ADCY10: variants seen among roughly 807,000 people sequenced by gnomAD.
ADCY10 encodes adenylate cyclase 10.
ADCY10 carries 156 observed loss-of-function variants against 183.3 expected under a neutral mutation model. The ratio of observed to expected loss-of-function variants is 0.85; its 90% CI spans 0.75 to 0.97. The LOEUF (loss-of-function observed/expected upper bound fraction) is 0.97, where lower values mean the gene tolerates loss of function less well. ADCY10 is among the 50% of genes least tolerant of loss of function. The pLI, the probability that ADCY10 is intolerant of heterozygous loss-of-function variation, is 0.00. For synonymous variants in ADCY10, 645 were observed against 670.0 expected (o/e 0.96, Z 0.58); for missense variants, 1,745 against 1,934.3 (o/e 0.90, Z 1.84).
chr1:167,837,779 A>G (rs1280104065), intron 21 of ADCY10, among the ~76,000 whole-genome samples: 4 of 152,248 alleles, frequency 2.6e-5, no homozygotes, highest in Non-Finnish European at 4.4e-5. Flanking sequence ...TTATTCTGCA[A>G]TAAAAACTAT....
chr1:167,846,293 C>T (rs1665023898), intron 19 of ADCY10, 30 bp from the exon 20 acceptor site: 1 of 1,613,198 alleles, frequency 6.2e-7, no homozygotes, highest in South Asian at 1.1e-5. Context: ...CAGTAGAAAA[C>T]TAGTTATTTA....
In ADCY10 at chr1:167,809,626, A is replaced by G. The variant is rs75466950; in HGVS notation, c.*52T>C. 1 of 1,597,106 alleles carries G rather than the reference A, an allele frequency of 6.3e-7. No individual in the cohort carries two copies. The highest frequency in any genetic ancestry group is 1.3e-5 in the African/African-American group (1 of 74,662). ...GGCCAGCCACGGAGAAAGGTCAATA[A>G]TAGATAATCACAAGGACATAGTGCT... On this transcript the variant is annotated 3_prime_UTR_variant, in exon 33 of 33. Transcript: ENST00000367851.
rs928627222 is a variant in ADCY10 at position 167,809,926 on chromosome 1, C to T, written c.4672-87G>A. 2.0e-5 allele frequency: 28 copies of T among 1,390,428 alleles called. No homozygotes were observed. The African/African-American group carries it at 3.8e-4, about 19-fold the overall frequency. The allele number at this position is 1,390,428 out of a possible 1,614,324, so 86.1% of individuals were successfully genotyped here. Reference sequence around the variant, plus strand: ...TAGTCCAATATCAAACAAGGCAAAACATCTTTGGTAAAAACCATGTGAACC... The same window carrying T: ...TAGTCCAATATCAAACAAGGCAAAATATCTTTGGTAAAAACCATGTGAACC... On this transcript the variant is annotated intron_variant, in intron 32 of 32. Coordinates refer to ENST00000367851, the MANE Select transcript of ADCY10 (RefSeq NM_018417.6).
In ADCY10 at chr1:167,901,777, C is replaced by T; in HGVS notation, c.321G>A (p.Val107=). The T allele has an allele frequency of 3.7e-6, 6 of 1,614,174 alleles. No individual in the cohort carries two copies. Among genetic ancestry groups the T allele is most frequent in the Non-Finnish European group, 5.1e-6 (6 of 1,180,028 alleles). Residue 107 remains valine, a synonymous_variant, in exon 5 of 33, where the codon GTG becomes GTA. Transcript: ENST00000367851. ...AGDALLALWR[V]ERKQLKNIIT... is the part of the protein sequence containing the mutation. The stretch of plus-strand genomic sequence containing the variant: ...TAATGTTTTTCAGCTGCTTTCGCTC[C>T]ACCCTCCACAGGGCTAGCAGTGCAT...
At chr1:167,818,520 T>C (rs1662669588) in intron 30 of ADCY10, 3 of 567,026 alleles carry the variant, frequency 5.3e-6, no homozygotes, top group South Asian at 1.6e-5. Flanking sequence ...TTAGCCACCA[T>C]TGAACTCTTT....
chr1:167,867,932 C>T (rs922859076), intron 14 of ADCY10, among the ~76,000 whole-genome samples: 1 of 152,090 alleles, frequency 6.6e-6, no homozygotes, highest in Non-Finnish European at 1.5e-5. Context: ...GAAGGCAGCC[C>T]CTCCTGTACG....
intron 14 of ADCY10, among the ~76,000 whole-genome samples, chr1:167,864,467 A>G (rs1571339224): frequency 6.6e-6 from 1 of 152,302 alleles, no homozygotes; most frequent in East Asian, 1.9e-4. Flanking sequence ...CTGTAAGCCA[A>G]GGCACACAGA....
intron 1 of ADCY10, among the ~76,000 whole-genome samples, chr1:167,905,754 G>A (rs1399024921): frequency 1.3e-5 from 2 of 152,150 alleles, no homozygotes; most frequent in Non-Finnish European, 2.9e-5. Flanking sequence ...GTGTGTGTGT[G>A]TGTGTGTGGC....
chr1:167,864,288 C>G (rs1223946195), intron 14 of ADCY10, among the ~76,000 whole-genome samples: 1 of 152,092 alleles, frequency 6.6e-6, no homozygotes, highest in East Asian at 1.9e-4. Context: ...CTACTAGAAA[C>G]TATGTTGAAA....
intron 21 of ADCY10, among the ~76,000 whole-genome samples, chr1:167,844,479 T>C (rs143749031): frequency 5.3e-5 from 8 of 152,336 alleles, no homozygotes; most frequent in African/African-American, 1.4e-4. Context: ...TTACCTAAAA[T>C]CCAACCCCAC....
At chr1:167,873,567 A>C (rs1022965351) in intron 13 of ADCY10, among the ~76,000 whole-genome samples, 1 of 152,228 alleles carries the variant, frequency 6.6e-6, no homozygotes, top group Admixed American at 6.5e-5. Flanking sequence ...CAGAATCCAC[A>C]GGTCAATCTT....
intron 25 of ADCY10, among the ~76,000 whole-genome samples, chr1:167,832,508 C>T (rs1212521420): frequency 1.3e-5 from 2 of 152,152 alleles, no homozygotes; most frequent in African/African-American, 2.4e-5. Context: ...CCATGTAACC[C>T]ATATCCCTAT....
At chr1:167,847,580 T>A (rs1349471849) in intron 19 of ADCY10, among the ~76,000 whole-genome samples, 1 of 152,002 alleles carries the variant, frequency 6.6e-6, no homozygotes, top group Admixed American at 6.6e-5. Context: ...CATGCCCGGC[T>A]AATTTTTTTT....
chr1:167,846,180 T>C lies in ADCY10; in HGVS notation c.2521A>G (p.Thr841Ala). ...AGAATCTCAAACAACAACTCAGTGG[T>C]GAAGGTCAGGCCAATGATGGCAGCA... ...RCAAIIGLTFTTELLFEILPC... is the reference protein window; with the variant it reads ...RCAAIIGLTFATELLFEILPC... The change falls in exon 20 of 33, where the codon ACC (threonine) becomes GCC (alanine). Residue 841 changes from threonine to alanine, a missense_variant. Physicochemically the swap from Thr to Ala is moderately conservative, Grantham distance 58. Coordinates refer to ENST00000367851, the MANE Select transcript of ADCY10 (RefSeq NM_018417.6). 6.2e-7 allele frequency: 1 copy of C among 1,614,148 alleles called. No homozygotes were observed. Among genetic ancestry groups the C allele is most frequent in the Non-Finnish European group, 8.5e-7 (1 of 1,180,032 alleles).
chr1:167,847,163 G>A (rs1436199690), intron 19 of ADCY10, among the ~76,000 whole-genome samples: 1 of 151,918 alleles, frequency 6.6e-6, no homozygotes, highest in African/African-American at 2.4e-5. Flanking sequence ...CTGACCTCAG[G>A]TGATCCACCT....
intron 14 of ADCY10, among the ~76,000 whole-genome samples, chr1:167,862,548 G>A (rs922709786): frequency 1.3e-5 from 2 of 152,122 alleles, no homozygotes; most frequent in Non-Finnish European, 2.9e-5. Context: ...CTACCCCTGA[G>A]AACTATGAGA....
chr1:167,814,479 CATTT>C (rs1354199613), intron 31 of ADCY10, among the ~76,000 whole-genome samples: 2 of 151,364 alleles, frequency 1.3e-5, no homozygotes, highest in Non-Finnish European at 2.9e-5. Context: ...CAATTATAAA[CATTT>C]ATGCATCCAA....
In ADCY10 at chr1:167,848,456, A is replaced by G; in HGVS notation, c.2342T>C (p.Met781Thr). ...YSIKLTEKLN[M>T]VTLHSDKESE... ...TTCCTTATCACTATGGAGAGTAACC[A>G]TGTTTAACTTCTCTGTTAGCTTAAT... Residue 781 changes from methionine to threonine, a missense_variant, in exon 19 of 33, where the codon ATG becomes ACG. By Grantham distance (81) the Met-to-Thr change is moderately conservative. Transcript: ENST00000367851. 1.2e-6 allele frequency: 2 copies of G among 1,613,474 alleles called. No individual in the cohort carries two copies. The highest frequency in any genetic ancestry group is 1.7e-6 in the Non-Finnish European group (2 of 1,179,482).
intron 23 of ADCY10, among the ~76,000 whole-genome samples, chr1:167,835,620 G>A (rs1050356883): frequency 3.9e-5 from 6 of 152,170 alleles, no homozygotes; most frequent in African/African-American, 1.4e-4. Context: ...TGGGCACAGT[G>A]GCTCACACTT....
Sources: gnomAD v4.1 joint callset for allele counts (sites outside exome capture counted in the v4.1 genomes callset) on GRCh38, gnomAD v4.1.1 for gene constraint, MANE v1.5 for transcripts, NCBI Gene and HGNC (gene_info 2026-07-23, HGNC 2026-07-21) for gene names.